The following CRHR2 variants were observed in gnomAD, a reference collection of about 807,000 sequenced individuals.
The protein encoded by CRHR2 is corticotropin-releasing hormone receptor 2.
CRHR2 carries 53 observed loss-of-function variants against 57.9 expected under a neutral mutation model. The observed-to-expected ratio is 0.92, with a 90% CI of 0.73 to 1.15. The LOEUF is 1.15. CRHR2 is among the 50% of genes most tolerant of loss of function. The probability of loss-of-function intolerance (pLI) is 0.00; values close to 1 mark genes in which losing one functional copy is unlikely to be tolerated. For missense variants in CRHR2, 532 were observed against 542.6 expected, an observed-to-expected ratio of 0.98 and a Z score of 0.19; for synonymous variants, 213 against 220.9, an observed-to-expected ratio of 0.96 and a Z score of 0.32.
chr7:30,660,647 T>G lies in CRHR2; in HGVS notation c.759-2A>C, dbSNP rs1783964648. ...CCAGGCTCCTTGCCAAACCAGCACC[T>G]GTGAAGATGGGGTGGCTGTAGGGGG... On this transcript the variant is annotated splice_acceptor_variant, in intron 7 of 11. Transcript: ENST00000471646. LOFTEE classifies it high-confidence loss of function. 6.4e-7 allele frequency: 1 copy of G among 1,564,784 alleles called. No individual in the cohort carries two copies. The highest frequency in any genetic ancestry group is 8.7e-7 in the Non-Finnish European group (1 of 1,154,454).
intron 2 of CRHR2, among the ~76,000 whole-genome samples, chr7:30,668,534 T>C (rs1784257020): frequency 6.6e-6 from 1 of 152,070 alleles, no homozygotes; most frequent in African/African-American, 2.4e-5. Flanking sequence ...GAGCACAGAG[T>C]TGCAGAGCTG....
chr7:30,681,884 A>ACAC, intron 2 of CRHR2, 31 bp downstream of exon 2: 1 of 1,601,796 alleles, frequency 6.2e-7, no homozygotes, highest in Non-Finnish European at 8.5e-7. Context: ...AGGCCGGTGT[A>ACAC]GAGCAGGCAG....
intron 2 of CRHR2, among the ~76,000 whole-genome samples, chr7:30,687,906 C>T (rs747670956): frequency 7.9e-5 from 12 of 152,200 alleles, no homozygotes; most frequent in Admixed American, 1.3e-4. Context: ...TAGGTGTCCC[C>T]GTGGGCTCTC....
rs138276083 is a variant in CRHR2 at position 30,675,015 on chromosome 7, G to A, written c.229+6900C>T. ...ACACAGATAAGAAAACTGGGACTTG[G>A]ACAAGGAGGGCCTGCCAGTCCCTCA... On this transcript the variant is annotated intron_variant, in intron 2 of 11. Transcript: ENST00000471646. Among the ~76,000 whole-genome samples, 34 of 152,314 alleles carry A rather than the reference G, an allele frequency of 2.2e-4. 1 individual carries two copies. The East Asian group carries it at 6.0e-3, about 27-fold the overall frequency.
At chr7:30,666,723 A>C (rs1342723691) in intron 3 of CRHR2, among the ~76,000 whole-genome samples, 1 of 152,246 alleles carries the variant, frequency 6.6e-6, no homozygotes, top group Non-Finnish European at 1.5e-5. Flanking sequence ...CGTAGCCTCA[A>C]GGAGAGGAGT....
chr7:30,694,605 G>C (rs1483514154), intron 1 of CRHR2, among the ~76,000 whole-genome samples: 1 of 152,168 alleles, frequency 6.6e-6, no homozygotes, highest in Non-Finnish European at 1.5e-5. Context: ...GGAGGGGAAT[G>C]GGGTGAGCTC....
At chr7:30,688,603 G>A (rs1470465417) in intron 2 of CRHR2, among the ~76,000 whole-genome samples, 2 of 151,830 alleles carry the variant, frequency 1.3e-5, no homozygotes, top group African/African-American at 2.4e-5. Context: ...CCCCAGGCCC[G>A]AGCAAGGGTC....
intron 2 of CRHR2, among the ~76,000 whole-genome samples, chr7:30,667,943 T>G (rs1294723289): frequency 6.6e-6 from 1 of 152,184 alleles, no homozygotes; most frequent in Non-Finnish European, 1.5e-5. Context: ...TGGCTTCGGG[T>G]CTTCTGTTCT....
At chr7:30,698,390 C>T (rs1785100292) in intron 1 of CRHR2, among the ~76,000 whole-genome samples, 1 of 152,172 alleles carries the variant, frequency 6.6e-6, no homozygotes, top group South Asian at 2.1e-4. Context: ...CCAGCTTGGG[C>T]GGCTGGCAGC....
chr7:30,673,597 C>G (rs1378801253), intron 2 of CRHR2, among the ~76,000 whole-genome samples: 7 of 152,128 alleles, frequency 4.6e-5, no homozygotes, highest in Non-Finnish European at 1.0e-4. Context: ...GAGTGGATTG[C>G]TTTTCATCCC....
upstream of CRHR2, chr7:30,682,745 C>T (rs561635190): frequency 2.3e-3 from 356 of 156,572 alleles, no homozygotes; most frequent in African/African-American, 8.0e-3. Flanking sequence ...CAGCAAAGCG[C>T]GCCCACCTGC....
At chr7:30,654,681 C>T in intron 11 of CRHR2, 1 of 1,535,826 alleles carries the variant, frequency 6.5e-7, no homozygotes, top group Non-Finnish European at 8.7e-7. Context: ...TCTTCTGCTC[C>T]CTGAGTCCAT....
chr7:30,672,933 G>A lies in CRHR2; in HGVS notation c.230-5620C>T, dbSNP rs544004433. Among the ~76,000 whole-genome samples the A allele has an allele frequency of 9.2e-5, 14 of 152,352 alleles. No homozygotes were observed. In the East Asian group the frequency reaches 9.6e-4, roughly 10 times the overall value. On this transcript the variant is annotated intron_variant, in intron 2 of 11. Transcript: ENST00000471646. The stretch of plus-strand genomic sequence containing the variant: ...AGAAGATCTCTCTCCCTTGGGACAC[G>A]CTTCCTCACGGGAGACCCTGGAGTT...
chr7:30,655,294 C>A (rs1287343495), intron 10 of CRHR2, among the ~76,000 whole-genome samples: 2 of 152,184 alleles, frequency 1.3e-5, no homozygotes, highest in African/African-American at 4.8e-5. Context: ...CAGGCAGACT[C>A]CGGTCTCCTC....
At chr7:30,666,968 CT>C (rs1784206416) in intron 3 of CRHR2, among the ~76,000 whole-genome samples, 1 of 152,234 alleles carries the variant, frequency 6.6e-6, no homozygotes, top group South Asian at 2.1e-4. Context: ...CGGTTATTCC[CT>C]TTTTGTGTCA....
Position 30,681,923 on chromosome 7 carries a change from T to G in CRHR2, c.221A>C (p.Asn74Thr). 1 of 1,611,096 alleles carries G rather than the reference T, an allele frequency of 6.2e-7. No homozygotes were observed. The highest frequency in any genetic ancestry group is 8.5e-7 in the Non-Finnish European group (1 of 1,179,046). Residue 74 changes from asparagine to threonine, a missense_variant, in exon 2 of 12, where the codon AAC becomes ACC. Transcript: ENST00000471646. ...CPEYFNGVKY[N>T]TTRNAYRECL... ...GGGCCGGGGGCACTCACGGGTCGTG[T>G]TGTACTTGACGCCGTTGAAGTACTC...
rs186886413 is a variant in CRHR2 at position 30,677,075 on chromosome 7, A to G, written c.229+4840T>C. On this transcript the variant is annotated intron_variant, in intron 2 of 11. Coordinates refer to ENST00000471646, the MANE Select transcript of CRHR2 (RefSeq NM_001883.5). ...GGCAAGACCCTCCTTTGCAGCCAAA[A>G]GGACCGTAGGGACAGGCAAGATGAG... is the stretch of plus-strand genomic sequence containing the variant. 2.1e-3 allele frequency among the ~76,000 whole-genome samples: 313 copies of G among 152,342 alleles called. 3 individuals are homozygous for G. Among genetic ancestry groups the G allele is most frequent in the Non-Finnish European group, 3.4e-3 (233 of 68,032 alleles).
Position 30,652,784 on chromosome 7 carries a change from C to A in CRHR2, c.*676G>T, listed in dbSNP as rs1783636511. The stretch of plus-strand genomic sequence containing the variant: ...ACTGGTTGACTAAGGATGTGGCTTC[C>A]CTGATGGCGTCTTCCTTGATTGCCT... On this transcript the variant is annotated 3_prime_UTR_variant, in exon 12 of 12. Coordinates refer to ENST00000471646, the MANE Select transcript of CRHR2 (RefSeq NM_001883.5). This position sits in a 1 kb window ranked among gnomAD's most constrained non-coding sequence, Gnocchi z 4.4. The A allele has an allele frequency of 6.6e-6, 1 of 152,330 alleles. No homozygotes were observed. The highest frequency in any genetic ancestry group is 2.4e-5 in the African/African-American group (1 of 41,452). 9.4% of individuals were successfully genotyped at this position (152,330 alleles called of 1,614,324 possible).
chr7:30,653,450 G>A lies in CRHR2; in HGVS notation c.*10C>T, dbSNP rs773864067. 1.9e-6 allele frequency: 3 copies of A among 1,612,288 alleles called. No homozygotes were observed. Among genetic ancestry groups the A allele is most frequent in the Non-Finnish European group, 2.5e-6 (3 of 1,179,272 alleles). On this transcript the variant is annotated 3_prime_UTR_variant, in exon 12 of 12. Coordinates refer to ENST00000471646, the MANE Select transcript of CRHR2 (RefSeq NM_001883.5). The surrounding 1 kb of genome is among the most constrained non-coding windows in gnomAD (Gnocchi z 5.0). ...GGACAGGGGAGCTGTGCAGGTGGGC[G>A]ACCGAGGGGTCACACAGCGGCCGTC...
Sources: gnomAD v4.1 joint callset for allele counts (sites outside exome capture counted in the v4.1 genomes callset) on GRCh38, gnomAD v4.1.1 for gene constraint, Gnocchi (gnomAD v3.1) non-coding constraint, MANE v1.5 for transcripts, NCBI Gene and HGNC (gene_info 2026-07-23, HGNC 2026-07-21) for gene names.